TMEM131: variants seen among roughly 807,000 people sequenced by gnomAD.
TMEM131 encodes 2610524E03Rik.
TMEM131 carries 66 observed loss-of-function variants against 211.6 expected under a neutral mutation model. That is an observed-to-expected ratio of 0.31 (90% CI 0.26 to 0.38). The LOEUF (loss-of-function observed/expected upper bound fraction) is 0.38. Ranked by LOEUF, TMEM131 falls within the 10% of genes least tolerant of loss-of-function variation. The pLI is 1.00. For missense variants in TMEM131, 2,036 were observed against 2,299.3 expected (o/e 0.89, Z 2.34); for synonymous variants, 844 against 841.3 (o/e 1.00, Z -0.06).
At chr2:97,771,871 A>C (rs1427512169) in intron 33 of TMEM131, among the ~76,000 whole-genome samples, 1 of 152,164 alleles carries the variant, frequency 6.6e-6, no homozygotes. Flanking sequence ...AACTTTTCCA[A>C]GTTTTATGGC....
rs1045737814 is a variant in TMEM131, at chr2:97,995,888, G to T, written c.-226C>A. On this transcript the variant is annotated 5_prime_UTR_variant, in exon 1 of 41. Transcript: ENST00000186436. ...GGCATCGCCTACAAGCAGTCGGAGCGGAGAGGCCGCGGGTCAGGCGCGGCG... is the reference window on the plus strand; with the variant it reads ...GGCATCGCCTACAAGCAGTCGGAGCTGAGAGGCCGCGGGTCAGGCGCGGCG... The T allele has an allele frequency of 4.2e-6, 1 of 239,288 alleles. No individual in the cohort carries two copies. The highest frequency in any genetic ancestry group is 9.5e-5 in the East Asian group (1 of 10,538). The allele number at this position is 239,288 out of a possible 1,614,324, so 14.8% of individuals were successfully genotyped here.
At chr2:97,950,572 G>A (rs767299411) in intron 1 of TMEM131, among the ~76,000 whole-genome samples, 45 of 152,116 alleles carry the variant, frequency 3.0e-4, no homozygotes, top group Non-Finnish European at 6.0e-4. Context: ...TCTCTTTACC[G>A]GATATTCCCC....
At chr2:97,935,754 T>TAA (rs1470003537) in intron 1 of TMEM131, among the ~76,000 whole-genome samples, 1 of 152,176 alleles carries the variant, frequency 6.6e-6, no homozygotes, top group Non-Finnish European at 1.5e-5. Flanking sequence ...AGCATCAGAA[T>TAA]AAACTTTCTA....
chr2:97,941,528 T>G (rs1299127981), intron 1 of TMEM131, among the ~76,000 whole-genome samples: 1 of 152,008 alleles, frequency 6.6e-6, no homozygotes. Flanking sequence ...ACCATCAGAG[T>G]GAACAGGCAA....
chr2:97,757,335 T>C lies in TMEM131; in HGVS notation c.5416A>G (p.Ser1806Gly). The change falls in exon 41 of 41, where the codon AGC (serine) becomes GGC (glycine). Residue 1806 changes from serine (S) to glycine (G), a missense_variant. This residue lies in a region of TMEM131 where 1,623 missense variants were observed against 1,805.9 expected (regional missense o/e 0.90). Transcript: ENST00000186436. Reference sequence around the variant, plus strand: ...CTAAGGTTGCTGGACCAAATGGAGCTGCTGAATGGAGTGGTGGACCACAGG... The same window carrying C: ...CTAAGGTTGCTGGACCAAATGGAGCCGCTGAATGGAGTGGTGGACCACAGG... ...SGLWSTTPFS[S>G]SIWSSNLSSA... 6.2e-7 allele frequency: 1 copy of C among 1,613,318 alleles called. No individual in the cohort carries two copies. The highest frequency in any genetic ancestry group is 8.5e-7 in the Non-Finnish European group (1 of 1,179,486).
At chr2:97,941,301 T>G (rs542319831) in intron 1 of TMEM131, among the ~76,000 whole-genome samples, 4 of 152,284 alleles carry the variant, frequency 2.6e-5, no homozygotes, top group South Asian at 4.1e-4. Flanking sequence ...ATCCCTTCCT[T>G]ACACCTTATA....
chr2:97,875,920 G>C (rs538935966), intron 4 of TMEM131, among the ~76,000 whole-genome samples: 1 of 152,120 alleles, frequency 6.6e-6, no homozygotes, highest in Non-Finnish European at 1.5e-5. Context: ...AAAAATCAAT[G>C]AATCCAGGAG....
chr2:97,882,871 G>A (rs1257796404), intron 4 of TMEM131, among the ~76,000 whole-genome samples: 2 of 152,138 alleles, frequency 1.3e-5, no homozygotes, highest in African/African-American at 4.8e-5. Context: ...AGTGTTCTCT[G>A]ACTTGATCCA....
intron 1 of TMEM131, among the ~76,000 whole-genome samples, chr2:97,968,028 T>A (rs1679133761): frequency 6.6e-6 from 1 of 152,072 alleles, no homozygotes; most frequent in South Asian, 2.1e-4. Flanking sequence ...TTCTAAGTAA[T>A]GCCCTAGTAC....
intron 7 of TMEM131, 28 bp from the exon 8 acceptor site, chr2:97,837,185 C>A (rs112115436): frequency 6.5e-7 from 1 of 1,528,098 alleles, no homozygotes; most frequent in Non-Finnish European, 8.8e-7. Flanking sequence ...ATGATGGCTA[C>A]GTTCAAAGTC....
chr2:97,869,447 GC>G (rs1272436879), intron 4 of TMEM131, among the ~76,000 whole-genome samples: 1 of 152,224 alleles, frequency 6.6e-6, no homozygotes, highest in Non-Finnish European at 1.5e-5. Flanking sequence ...AAAGGCATGG[GC>G]CACATCCCAT....
intron 1 of TMEM131, among the ~76,000 whole-genome samples, chr2:97,969,628 A>C (rs1022402340): frequency 4.0e-5 from 6 of 151,884 alleles, no homozygotes. Flanking sequence ...TTCTGCTATG[A>C]GTCAAAAACA....
intron 1 of TMEM131, among the ~76,000 whole-genome samples, chr2:97,963,781 G>A (rs1678923305): frequency 6.6e-6 from 1 of 152,104 alleles, no homozygotes; most frequent in Admixed American, 6.6e-5. Context: ...TGTTGTTGTT[G>A]TTATATATAA....
chr2:97,842,073 A>G, intron 6 of TMEM131, 136 bp from the exon 7 acceptor site: 1 of 848,980 alleles, frequency 1.2e-6, no homozygotes, highest in South Asian at 3.9e-5. Flanking sequence ...TTTAAAAAAA[A>G]CCCCCACAAA....
At chr2:97,773,002 G>A (rs1462080851) in intron 32 of TMEM131, among the ~76,000 whole-genome samples, 1 of 152,228 alleles carries the variant, frequency 6.6e-6, no homozygotes, top group Non-Finnish European at 1.5e-5. Flanking sequence ...TGGTGGCAGT[G>A]GCAGTAGCAA....
rs1031968215 is a variant in TMEM131 at position 97,944,908 on chromosome 2, A to T, written c.188-17421T>A. ...ACTGGAAAACAGTTGGGTAGTTATT[A>T]AAAAAACTAAATATAAAGTTACCAT... On this transcript the variant is annotated intron_variant, in intron 1 of 40. Coordinates refer to ENST00000186436, the MANE Select transcript of TMEM131 (RefSeq NM_015348.2). Among the ~76,000 whole-genome samples the T allele has an allele frequency of 5.9e-5, 9 of 152,202 alleles. No individual in the cohort carries two copies. The East Asian group carries it at 1.2e-3, about 19-fold the overall frequency.
intron 31 of TMEM131, among the ~76,000 whole-genome samples, chr2:97,791,622 C>T (rs886223481): frequency 1.1e-4 from 16 of 152,226 alleles, no homozygotes; most frequent in Non-Finnish European, 2.1e-4. Context: ...CAGCCTTGGC[C>T]AACACCTTGA....
intron 4 of TMEM131, among the ~76,000 whole-genome samples, chr2:97,865,877 C>A (rs1311036953): frequency 6.6e-6 from 1 of 152,042 alleles, no homozygotes; most frequent in African/African-American, 2.4e-5. Context: ...TGCTTTCTGG[C>A]AAGTTTTTGT....
At chr2:97,965,567 C>T (rs60828800) in intron 1 of TMEM131, among the ~76,000 whole-genome samples, 3,830 of 152,214 alleles carry the variant, frequency 0.025, 165 homozygotes, top group African/African-American at 0.088. Context: ...CACTTACTAC[C>T]AAGGGCCACG....
Sources: allele counts gnomAD v4.1 joint callset (sites outside exome capture counted in the v4.1 genomes callset), GRCh38; gene constraint gnomAD v4.1.1; regional missense constraint gnomAD v4.1.1; transcripts MANE v1.5; gene names NCBI Gene and HGNC (gene_info 2026-07-23, HGNC 2026-07-21).